DYM: variants seen among roughly 807,000 people sequenced by gnomAD.
DYM encodes dymeclin.
DYM carries 78 observed loss-of-function variants against 93.1 expected under a neutral mutation model. That is an observed-to-expected ratio of 0.84 (90% CI 0.70 to 1.01). The LOEUF is 1.01. DYM is among the 50% of genes least tolerant of loss of function. DYM has a pLI of 0.00. For missense variants in DYM, 789 were observed against 845.0 expected (o/e 0.93, Z 0.82); for synonymous variants, 321 against 319.7 (o/e 1.00, Z -0.04).
intron 2 of DYM, among the ~76,000 whole-genome samples, chr18:49,424,701 G>T (rs1480140705): frequency 1.3e-5 from 2 of 152,108 alleles, no homozygotes; most frequent in African/African-American, 4.8e-5. Context: ...AAAGTCTCAG[G>T]ATACAAAATC....
chr18:49,440,270 T>C (rs1287277422), intron 1 of DYM, among the ~76,000 whole-genome samples: 1 of 139,650 alleles, frequency 7.2e-6, no homozygotes, highest in African/African-American at 2.6e-5. Flanking sequence ...CTTCTCAGGC[T>C]GATAATCCAC....
At chr18:49,109,854 G>A (rs1471760269) in intron 16 of DYM, among the ~76,000 whole-genome samples, 1 of 152,122 alleles carries the variant, frequency 6.6e-6, no homozygotes, top group Non-Finnish European at 1.5e-5. Context: ...CAGTGCCTTT[G>A]CTCACAAGAT....
chr18:49,106,312 A>T (rs2080800089), intron 16 of DYM, among the ~76,000 whole-genome samples: 1 of 152,054 alleles, frequency 6.6e-6, no homozygotes, highest in South Asian at 2.1e-4. Context: ...TGCATGTGAG[A>T]TGGGTTTCCT....
chr18:49,345,280 C>T (rs2064489472), intron 6 of DYM, among the ~76,000 whole-genome samples: 1 of 152,032 alleles, frequency 6.6e-6, no homozygotes, highest in Non-Finnish European at 1.5e-5. Flanking sequence ...TATATCTCTT[C>T]TTCTGGTACA....
intron 13 of DYM, among the ~76,000 whole-genome samples, chr18:49,230,712 A>C (rs2093670475): frequency 6.6e-6 from 1 of 152,190 alleles, no homozygotes; most frequent in Admixed American, 6.5e-5. Flanking sequence ...TGAAGCACTA[A>C]ATATTTAATT....
At chr18:49,343,979 C>T (rs553349698) in intron 6 of DYM, among the ~76,000 whole-genome samples, 86 of 151,896 alleles carry the variant, frequency 5.7e-4, no homozygotes, top group African/African-American at 2.1e-3. Context: ...CACTAGACTC[C>T]TGGAGCCACA....
At chr18:49,047,818 T>G (rs2071820678) in intron 17 of DYM, among the ~76,000 whole-genome samples, 1 of 152,072 alleles carries the variant, frequency 6.6e-6, no homozygotes, top group Admixed American at 6.5e-5. Context: ...CTGTGAAAAA[T>G]CTGCATTTGT....
rs1031880471 is a variant in DYM at position 49,042,319 on chromosome 18, C to G, written c.*1736G>C. On this transcript the variant is annotated 3_prime_UTR_variant, in exon 18 of 18. Coordinates refer to ENST00000675505, the MANE Select transcript of DYM (RefSeq NM_001353214.3). ...GCTGCACTCACCTCTGGGACCCCAC[C>G]CGGGATGGGCGCTCCACGAGTCCCT... 7.9e-5 allele frequency: 12 copies of G among 152,604 alleles called. No homozygotes were observed. Among genetic ancestry groups the G allele is most frequent in the African/African-American group, 2.9e-4 (12 of 41,452 alleles). 9.5% of individuals were successfully genotyped at this position (152,604 alleles called of 1,614,324 possible). A position where few individuals can be genotyped will look rare whatever the true frequency, so the allele number is the denominator to read the frequency against.
At chr18:49,218,221 T>C (rs986962005) in intron 13 of DYM, among the ~76,000 whole-genome samples, 20 of 152,170 alleles carry the variant, frequency 1.3e-4, no homozygotes, top group African/African-American at 3.9e-4. Context: ...TAAATATATA[T>C]GCACCCAATA....
At chr18:49,351,316 AG>A (rs1348125314) in intron 6 of DYM, among the ~76,000 whole-genome samples, 2 of 152,146 alleles carry the variant, frequency 1.3e-5, no homozygotes, top group African/African-American at 4.8e-5. Context: ...GGTTGCAATG[AG>A]TCAAGATTGT....
chr18:49,395,865 T>C (rs1022975675), intron 2 of DYM, among the ~76,000 whole-genome samples: 7 of 152,164 alleles, frequency 4.6e-5, no homozygotes, highest in African/African-American at 1.7e-4. Context: ...ACAAACCTCA[T>C]ATTGAAATCT....
chr18:49,232,428 C>G (rs574998568), intron 13 of DYM, among the ~76,000 whole-genome samples: 2 of 150,510 alleles, frequency 1.3e-5, no homozygotes, highest in African/African-American at 2.4e-5. Flanking sequence ...CTCAGCCTCC[C>G]GAGTAGCTAG....
In DYM at chr18:49,075,623, T is replaced by C. The variant is rs115394003; in HGVS notation, c.2025+21779A>G. ...ATGGCCACTGGTACGAGGAAAACTA[T>C]AGACACATAGTCCCATCTTCATTTT... On this transcript the variant is annotated intron_variant, in intron 17 of 17. Transcript: ENST00000675505. 6.3e-4 allele frequency among the ~76,000 whole-genome samples: 96 copies of C among 152,290 alleles called. 2 individuals carry two copies. The highest frequency in any genetic ancestry group is 2.2e-3 in the African/African-American group (92 of 41,566).
chr18:49,053,176 C>G (rs1275456971), intron 17 of DYM, among the ~76,000 whole-genome samples: 1 of 152,154 alleles, frequency 6.6e-6, no homozygotes, highest in Non-Finnish European at 1.5e-5. Context: ...ACGCCCAGCT[C>G]AGAGACAAAG....
chr18:49,410,925 C>T (rs2072171557), intron 2 of DYM, among the ~76,000 whole-genome samples: 1 of 152,108 alleles, frequency 6.6e-6, no homozygotes, highest in Non-Finnish European at 1.5e-5. Context: ...AAGATGTTAG[C>T]ATATTATTGT....
chr18:49,425,692 T>G (rs945352227), intron 2 of DYM, among the ~76,000 whole-genome samples: 7 of 151,860 alleles, frequency 4.6e-5, no homozygotes, highest in Non-Finnish European at 1.0e-4. Context: ...TTAAACAAAT[T>G]TACAAGAAAA....
intron 3 of DYM, among the ~76,000 whole-genome samples, chr18:49,381,138 A>G (rs925731225): frequency 1.1e-4 from 16 of 152,166 alleles, no homozygotes; most frequent in African/African-American, 3.9e-4. Flanking sequence ...TTAGTGCTAC[A>G]GGCATGCACC....
At chr18:49,269,752 A>T (rs1055598065) in intron 11 of DYM, among the ~76,000 whole-genome samples, 4 of 152,202 alleles carry the variant, frequency 2.6e-5, no homozygotes, top group Non-Finnish European at 4.4e-5. Flanking sequence ...AAAGTAAAAA[A>T]GTTCCAGTAA....
At chr18:49,284,676 G>A (rs552813859) in intron 9 of DYM, among the ~76,000 whole-genome samples, 2 of 152,268 alleles carry the variant, frequency 1.3e-5, no homozygotes, top group South Asian at 4.2e-4. Context: ...AGCGATAGAG[G>A]TATGGTGTGA....
Sources: gnomAD v4.1 joint callset for allele counts (sites outside exome capture counted in the v4.1 genomes callset) on GRCh38, gnomAD v4.1.1 for gene constraint, MANE v1.5 for transcripts, NCBI Gene and HGNC (gene_info 2026-07-23, HGNC 2026-07-21) for gene names.